EPB41L1: variants seen among roughly 807,000 people sequenced by gnomAD.
EPB41L1 encodes the protein band 4.1-like protein 1.
A neutral mutation model predicts 97.8 loss-of-function variants in EPB41L1; 29 were observed. The ratio of observed to expected loss-of-function variants is 0.30; its 90% CI spans 0.22 to 0.40. EPB41L1 has a LOEUF of 0.40. EPB41L1 is among the 10% of genes least tolerant of loss of function. EPB41L1 has a pLI of 1.00. For synonymous variants in EPB41L1, 383 were observed against 459.2 expected (o/e 0.83, Z 2.12); for missense variants, 812 against 1,162.3 (o/e 0.70, Z 4.38).
intron 2 of EPB41L1, among the ~76,000 whole-genome samples, chr20:36,114,620 G>A (rs1055551710): frequency 2.6e-5 from 4 of 152,142 alleles, no homozygotes; most frequent in Admixed American, 6.5e-5. Flanking sequence ...TGACTTTAGT[G>A]GATCCTGGGG....
chr20:36,157,107 C>T (rs1048530820), intron 1 of EPB41L1, among the ~76,000 whole-genome samples: 4 of 152,124 alleles, frequency 2.6e-5, no homozygotes, highest in Non-Finnish European at 5.9e-5. Flanking sequence ...GCCTATAGCC[C>T]CAGCAACTCG....
At chr20:36,127,118 C>T (rs941437461) in intron 2 of EPB41L1, among the ~76,000 whole-genome samples, 15 of 152,204 alleles carry the variant, frequency 9.9e-5, no homozygotes, top group East Asian at 3.8e-4. Context: ...CAGTGAGGCT[C>T]ATCCATACCC....
chr20:36,129,947 G>GTTTT, intron 2 of EPB41L1, among the ~76,000 whole-genome samples: 1 of 127,814 alleles, frequency 7.8e-6, no homozygotes, highest in African/African-American at 2.9e-5. Context: ...TTTTTTTTTT[G>GTTTT]TTTTTTTTTT....
chr20:36,097,147 C>G (rs1035765176), intron 1 of EPB41L1, among the ~76,000 whole-genome samples: 9 of 152,194 alleles, frequency 5.9e-5, no homozygotes, highest in African/African-American at 1.9e-4. Flanking sequence ...AAGAGGAATC[C>G]AAATATCTGC....
rs1233791311 is a variant in EPB41L1 at position 36,207,869 on chromosome 20, C to T, written c.1669-1619C>T. 4.2e-6 allele frequency: 5 copies of T among 1,185,646 alleles called. No individual in the cohort carries two copies. Among genetic ancestry groups the T allele is most frequent in the Non-Finnish European group, 5.4e-6 (5 of 930,424 alleles). 73.4% of individuals were successfully genotyped at this position (1,185,646 alleles called of 1,614,324 possible). A position where few individuals can be genotyped will look rare whatever the true frequency, so the allele number is the denominator to read the frequency against. On this transcript the variant is annotated intron_variant, in intron 14 of 21. Transcript: ENST00000338074. This position sits in a 1 kb window ranked among gnomAD's most constrained non-coding sequence, Gnocchi z 4.9. ...CTCTGTAGTTTTTAGAAGCATGTTTCAGTGGCCCCTCGTCATTTCTGCAAT... is the reference window on the plus strand; with the variant it reads ...CTCTGTAGTTTTTAGAAGCATGTTTTAGTGGCCCCTCGTCATTTCTGCAAT...
In EPB41L1 at chr20:36,187,721, CAAG is replaced by C; in HGVS notation, c.835_837del (p.Lys279del). 1 of 1,614,058 alleles carries C rather than the reference CAAG, an allele frequency of 6.2e-7. No homozygotes were observed. On this transcript the variant is annotated inframe_deletion, in exon 8 of 22. Transcript: ENST00000338074. ...CAGAAATCCACTTCTTAGAGAATGC[CAAG>C]AAGCTTTCCATGTACGGAGTAGACC... is the stretch of plus-strand genomic sequence containing the variant.
At chr20:36,120,089 C>A (rs113124074) in intron 2 of EPB41L1, among the ~76,000 whole-genome samples, 2 of 152,264 alleles carry the variant, frequency 1.3e-5, no homozygotes, top group African/African-American at 4.8e-5. Context: ...TAGAAACTGT[C>A]GGTAACATTA....
Position 36,201,226 on chromosome 20 carries a change from G to A in EPB41L1, c.1668+3185G>A, listed in dbSNP as rs1459545578. Reference sequence around the variant, plus strand: ...AGGGACAGGACTGCAACCATTCTGGGAAGACAGAACAGCCTGCATTGCCTT... The same window carrying A: ...AGGGACAGGACTGCAACCATTCTGGAAAGACAGAACAGCCTGCATTGCCTT... On this transcript the variant is annotated intron_variant, in intron 14 of 21. Transcript: ENST00000338074. Among the ~76,000 whole-genome samples, 6 of 152,232 alleles carry A rather than the reference G, an allele frequency of 3.9e-5. No homozygotes were observed. In the East Asian group the frequency reaches 1.2e-3, roughly 29 times the overall value.
chr20:36,103,621 C>T (rs1427643058), intron 1 of EPB41L1, among the ~76,000 whole-genome samples: 2 of 151,714 alleles, frequency 1.3e-5, no homozygotes, highest in Non-Finnish European at 2.9e-5. Context: ...CTGATAAAAG[C>T]ATTGTAAAGA....
intron 16 of EPB41L1, 110 bp from the exon 17 acceptor site, chr20:36,214,247 G>C: frequency 1.3e-6 from 1 of 789,564 alleles, no homozygotes; most frequent in Non-Finnish European, 2.2e-6. Flanking sequence ...TGCCAGTGAT[G>C]TTCACTCACA....
In EPB41L1 at chr20:36,209,196, G is replaced by A. The variant is rs777662817; in HGVS notation, c.1669-292G>A. ...GCTCCCAGATCCAATACCCTTGGAT[G>A]GAGCCTCCTGTCCAGGAGTCACTGG... On this transcript the variant is annotated intron_variant, in intron 14 of 21. Coordinates refer to ENST00000338074, the MANE Select transcript of EPB41L1 (RefSeq NM_012156.2). This position sits in a 1 kb window ranked among gnomAD's most constrained non-coding sequence, Gnocchi z 4.2. 6.6e-6 allele frequency among the ~76,000 whole-genome samples: 1 copy of A among 152,168 alleles called. No individual in the cohort carries two copies. The highest frequency in any genetic ancestry group is 2.4e-5 in the African/African-American group (1 of 41,440).
chr20:36,156,949 TGCGCCATTGC>T (rs2060328171), intron 1 of EPB41L1, among the ~76,000 whole-genome samples: 1 of 152,186 alleles, frequency 6.6e-6, no homozygotes, highest in South Asian at 2.1e-4. Flanking sequence ...GACACAGGCG[TGCGCCATTGC>T]GCACGCCTGT....
intron 2 of EPB41L1, among the ~76,000 whole-genome samples, chr20:36,143,490 C>T (rs2059719855): frequency 6.6e-6 from 1 of 152,148 alleles, no homozygotes; most frequent in Non-Finnish European, 1.5e-5. Context: ...CATAAAAGCT[C>T]ATCGTCTTAG....
intron 19 of EPB41L1, among the ~76,000 whole-genome samples, chr20:36,220,809 G>C (rs543627845): frequency 6.6e-6 from 1 of 152,212 alleles, no homozygotes; most frequent in African/African-American, 2.4e-5. Context: ...GGGCTGATGC[G>C]TCCACACCTA....
At chr20:36,105,019 A>G (rs2058144286) in intron 1 of EPB41L1, among the ~76,000 whole-genome samples, 1 of 152,110 alleles carries the variant, frequency 6.6e-6, no homozygotes, top group African/African-American at 2.4e-5. Flanking sequence ...GTGGGATGTG[A>G]GTGGGCCGGA....
chr20:36,133,072 T>C (rs1169117326), intron 2 of EPB41L1, among the ~76,000 whole-genome samples: 1 of 152,262 alleles, frequency 6.6e-6, no homozygotes, highest in East Asian at 1.9e-4. Context: ...ATTTTATCCC[T>C]AATCCCATAA....
chr20:36,120,647 G>A (rs533568446), intron 2 of EPB41L1, among the ~76,000 whole-genome samples: 1 of 152,236 alleles, frequency 6.6e-6, no homozygotes, highest in South Asian at 2.1e-4. Flanking sequence ...CCCAGTGCTT[G>A]GGCCTAGAAA....
At chr20:36,110,187 C>T (rs557358603) in intron 1 of EPB41L1, among the ~76,000 whole-genome samples, 3 of 152,062 alleles carry the variant, frequency 2.0e-5, no homozygotes, top group South Asian at 4.1e-4. Context: ...GTGATCCGCC[C>T]GCCTCGGCCT....
intron 13 of EPB41L1, among the ~76,000 whole-genome samples, chr20:36,196,151 TAAG>T (rs1384206471): frequency 6.6e-6 from 1 of 152,176 alleles, no homozygotes; most frequent in African/African-American, 2.4e-5. Context: ...GACTGGGACA[TAAG>T]AAGAGCCTTG....
Sources: gnomAD v4.1 joint callset for allele counts (sites outside exome capture counted in the v4.1 genomes callset) on GRCh38, gnomAD v4.1.1 for gene constraint, Gnocchi (gnomAD v3.1) non-coding constraint, MANE v1.5 for transcripts, NCBI Gene and HGNC (gene_info 2026-07-23, HGNC 2026-07-21) for gene names.